Variants in ROR2 observed in about 807,000 individuals in gnomAD.
ROR2 encodes the protein ROR family WNT receptor 2.
ROR2 carries 33 observed loss-of-function variants against 74.9 expected under a neutral mutation model. The observed-to-expected ratio is 0.44, with a 90% confidence interval of 0.33 to 0.59. The LOEUF (loss-of-function observed/expected upper bound fraction) is 0.59. Among genes scored for constraint, ROR2 ranks in the 20% least tolerant of loss-of-function variants. ROR2 has a pLI of 0.02. For missense variants in ROR2, 1,216 were observed against 1,313.8 expected (o/e 0.93, Z 1.15); for synonymous variants, 586 against 558.7 (o/e 1.05, Z -0.69).
At chr9:91,797,925 C>A (rs1329790731) in intron 1 of ROR2, among the ~76,000 whole-genome samples, 1 of 3,092 alleles carries the variant, frequency 3.2e-4, no homozygotes, top group Non-Finnish European at 5.7e-4. Flanking sequence ...ACACCCTGGG[C>A]TCTGTGGGTG....
chr9:91,918,130 TG>T, intron 1 of ROR2, among the ~76,000 whole-genome samples: 1 of 152,138 alleles, frequency 6.6e-6, no homozygotes, highest in South Asian at 2.1e-4. Flanking sequence ...CAGCTGTGCG[TG>T]GTGGCAGGCG....
At chr9:91,895,494 G>A (rs940535008) in intron 1 of ROR2, among the ~76,000 whole-genome samples, 3 of 152,172 alleles carry the variant, frequency 2.0e-5, no homozygotes, top group Non-Finnish European at 4.4e-5. Context: ...CAGGGAATAT[G>A]GGAATTCTCT....
At chr9:91,855,309 A>T (rs1409580375) in intron 1 of ROR2, among the ~76,000 whole-genome samples, 1 of 152,192 alleles carries the variant, frequency 6.6e-6, no homozygotes, top group African/African-American at 2.4e-5. Context: ...AGGCCCTGCA[A>T]CTTTCCTCCC....
chr9:91,830,690 A>G (rs563724298), intron 1 of ROR2, among the ~76,000 whole-genome samples: 3 of 116,468 alleles, frequency 2.6e-5, no homozygotes, highest in African/African-American at 1.3e-4. Context: ...AGCCATTAAA[A>G]AGATAAGAAA....
intron 1 of ROR2, among the ~76,000 whole-genome samples, chr9:91,907,180 A>G (rs1206603860): frequency 6.6e-6 from 1 of 152,202 alleles, no homozygotes. Context: ...ATAAACAGGA[A>G]GCCATTTGTT....
At chr9:91,800,793 A>G (rs1051141728) in intron 1 of ROR2, among the ~76,000 whole-genome samples, 1 of 152,198 alleles carries the variant, frequency 6.6e-6, no homozygotes, top group Non-Finnish European at 1.5e-5. Context: ...CCACGCTTCC[A>G]AAGAGACTCG....
chr9:91,834,672 C>T (rs1828562240), intron 1 of ROR2, among the ~76,000 whole-genome samples: 2 of 152,154 alleles, frequency 1.3e-5, no homozygotes, highest in African/African-American at 4.8e-5. Flanking sequence ...ACATGAAAAA[C>T]CTAAGTGGAG....
chr9:91,727,431 G>GT (rs1837080985), intron 7 of ROR2, among the ~76,000 whole-genome samples: 2 of 151,020 alleles, frequency 1.3e-5, no homozygotes, highest in South Asian at 4.2e-4. Flanking sequence ...ACAGGGAAAA[G>GT]TAACTCTTTG....
At chr9:91,841,649 G>C (rs1485914914) in intron 1 of ROR2, among the ~76,000 whole-genome samples, 2 of 152,158 alleles carry the variant, frequency 1.3e-5, no homozygotes, top group African/African-American at 4.8e-5. Flanking sequence ...CAGCCCGGTG[G>C]GCTCCTGAGC....
intron 1 of ROR2, among the ~76,000 whole-genome samples, chr9:91,939,355 G>A (rs1430345317): frequency 6.6e-6 from 1 of 152,162 alleles, no homozygotes; most frequent in Admixed American, 6.5e-5. Flanking sequence ...CATGGTTTTC[G>A]TGCTCCTTAT....
chr9:91,866,049 A>C (rs80173338), intron 1 of ROR2, among the ~76,000 whole-genome samples: 1 of 152,180 alleles, frequency 6.6e-6, no homozygotes, highest in Admixed American at 6.5e-5. Flanking sequence ...TGAAACAGTC[A>C]AAGAAGAAAT....
chr9:91,862,339 A>AAGGAGGAGGAGG (rs1451437681), intron 1 of ROR2, among the ~76,000 whole-genome samples: 7 of 151,782 alleles, frequency 4.6e-5, no homozygotes, highest in African/African-American at 1.5e-4. Context: ...CCAAAAAAAA[A>AAGGAGGAGGAGG]AGGAGGAGGA....
At chr9:91,792,431 C>A (rs547738255) in intron 1 of ROR2, among the ~76,000 whole-genome samples, 26 of 152,042 alleles carry the variant, frequency 1.7e-4, no homozygotes, top group African/African-American at 6.0e-4. Context: ...GCCTCAGCCT[C>A]CTGAGTAGCT....
At chr9:91,856,216 C>T (rs528354014) in intron 1 of ROR2, among the ~76,000 whole-genome samples, 1 of 152,132 alleles carries the variant, frequency 6.6e-6, no homozygotes, top group African/African-American at 2.4e-5. Flanking sequence ...ATTAGCCAGG[C>T]ATGGTGGTGT....
intron 1 of ROR2, among the ~76,000 whole-genome samples, chr9:91,935,525 A>G (rs1482066919): frequency 6.6e-6 from 1 of 152,070 alleles, no homozygotes; most frequent in African/African-American, 2.4e-5. Flanking sequence ...CGCATAAATC[A>G]CACTTGCTGA....
chr9:91,760,467 A>C (rs1351092237), intron 2 of ROR2, among the ~76,000 whole-genome samples: 1 of 152,028 alleles, frequency 6.6e-6, no homozygotes, highest in Non-Finnish European at 1.5e-5. Flanking sequence ...CCCTGTCTCC[A>C]CTAAAAATAA....
intron 1 of ROR2, among the ~76,000 whole-genome samples, chr9:91,908,146 G>A (rs1429668948): frequency 1.3e-5 from 2 of 152,206 alleles, no homozygotes; most frequent in East Asian, 3.8e-4. Context: ...AATGGGGGGA[G>A]GGAGGAGTTG....
intron 1 of ROR2, among the ~76,000 whole-genome samples, chr9:91,911,441 T>C (rs1465545631): frequency 1.3e-5 from 2 of 152,184 alleles, no homozygotes; most frequent in Non-Finnish European, 2.9e-5. Flanking sequence ...AAAAGTGCAG[T>C]TAAAATATGA....
At chr9:91,725,831 T>G (rs890248863) in intron 8 of ROR2, among the ~76,000 whole-genome samples, 1 of 152,072 alleles carries the variant, frequency 6.6e-6, no homozygotes, top group African/African-American at 2.4e-5. Context: ...CGGGGCTCTG[T>G]GCCCTCCTCG....
Sources: allele counts gnomAD v4.1 joint callset (sites outside exome capture counted in the v4.1 genomes callset), GRCh38; gene constraint gnomAD v4.1.1; transcripts MANE v1.5; gene names NCBI Gene and HGNC (gene_info 2026-07-23, HGNC 2026-07-21).